Variants in RGS5 observed in about 807,000 individuals in gnomAD.
RGS5 encodes regulator of G protein signaling 5.
RGS5 carries 20 observed loss-of-function variants against 18.9 expected under a neutral mutation model. The ratio of observed to expected loss-of-function variants is 1.06; its 90% CI spans 0.74 to 1.54. The LOEUF (loss-of-function observed/expected upper bound fraction) is 1.54. RGS5 is among the 40% of genes most tolerant of loss of function. The pLI is 0.00. For synonymous variants in RGS5, 57 were observed against 76.2 expected, an observed-to-expected ratio of 0.75 and a Z score of 1.31; for missense variants, 201 against 211.8, an observed-to-expected ratio of 0.95 and a Z score of 0.32.
At chr1:163,150,691 C>A (rs1463021085) in intron 4 of RGS5, among the ~76,000 whole-genome samples, 1 of 152,046 alleles carries the variant, frequency 6.6e-6, no homozygotes, top group Non-Finnish European at 1.5e-5. Flanking sequence ...TTTCTAGCAC[C>A]TTTTCATTTT....
intron 2 of RGS5, among the ~76,000 whole-genome samples, chr1:163,295,273 G>A (rs1050044363): frequency 6.6e-6 from 1 of 152,092 alleles, no homozygotes; most frequent in Non-Finnish European, 1.5e-5. Context: ...ATTAGCAGTG[G>A]AGGTATTCAA....
chr1:163,173,800 G>C (rs1435012556), intron 1 of RGS5, among the ~76,000 whole-genome samples: 2 of 152,140 alleles, frequency 1.3e-5, no homozygotes, highest in Admixed American at 1.3e-4. Flanking sequence ...CGTAGGCCTG[G>C]CACAGTGGCT....
intron 1 of RGS5, among the ~76,000 whole-genome samples, chr1:163,189,706 A>G (rs7355070): frequency 0.46 from 69,464 of 151,950 alleles, 16,571 homozygotes; most frequent in East Asian, 0.72. Context: ...AGACCACTCA[A>G]TTGAGATAAA....
At chr1:163,152,117 T>C (rs1657397222) in intron 4 of RGS5, among the ~76,000 whole-genome samples, 1 of 152,174 alleles carries the variant, frequency 6.6e-6, no homozygotes, top group Non-Finnish European at 1.5e-5. Flanking sequence ...TGAAAAAGTT[T>C]CAGACTTTGA....
In RGS5 at chr1:163,146,000, T is replaced by C. The variant is rs1429100504; in HGVS notation, c.*1342A>G. The C allele has an allele frequency of 6.6e-6, 1 of 152,212 alleles. No individual in the cohort carries two copies. Among genetic ancestry groups the C allele is most frequent in the Non-Finnish European group, 1.5e-5 (1 of 68,034 alleles). The allele number at this position is 152,212 out of a possible 1,614,324, so 9.4% of individuals were successfully genotyped here. A position where few individuals can be genotyped will look rare whatever the true frequency, so the allele number is the denominator to read the frequency against. ...TCATACATGGCTTAGTTTGATTCTGTTACTAAATTCTGTGAATCATTATTT... is the reference window on the plus strand; with the variant it reads ...TCATACATGGCTTAGTTTGATTCTGCTACTAAATTCTGTGAATCATTATTT... On this transcript the variant is annotated 3_prime_UTR_variant, in exon 5 of 5. Transcript: ENST00000313961.
chr1:163,297,272 G>T (rs950181976), intron 2 of RGS5, among the ~76,000 whole-genome samples: 3 of 152,110 alleles, frequency 2.0e-5, no homozygotes, highest in Admixed American at 2.0e-4. Flanking sequence ...GCTGAAGAGG[G>T]CTTTGTGCAA....
chr1:163,155,455 T>C (rs1657542595), intron 3 of RGS5, among the ~76,000 whole-genome samples: 1 of 152,220 alleles, frequency 6.6e-6, no homozygotes, highest in Admixed American at 6.5e-5. Flanking sequence ...TAGCTTTATA[T>C]TGTATTCGTC....
chr1:163,210,702 C>T (rs1660084324), intron 1 of RGS5: 1 of 152,182 alleles, frequency 6.6e-6, no homozygotes, highest in African/African-American at 2.4e-5. Context: ...ACAATGAGCA[C>T]TCAACAAAGA....
At chr1:163,319,487 A>G (rs1314845482) in intron 1 of RGS5, among the ~76,000 whole-genome samples, 1 of 152,232 alleles carries the variant, frequency 6.6e-6, no homozygotes, top group Admixed American at 6.5e-5. Flanking sequence ...GTTACAGGAC[A>G]GGGAAATTAC....
rs1041322382 is a variant in RGS5, at chr1:163,145,956, A to G, written c.*1386T>C. The G allele has an allele frequency of 3.3e-5, 5 of 152,220 alleles. No individual in the cohort carries two copies. The highest frequency in any genetic ancestry group is 1.2e-4 in the African/African-American group (5 of 41,460). The allele number at this position is 152,220 out of a possible 1,614,324, so 9.4% of individuals were successfully genotyped here. A position where few individuals can be genotyped will look rare whatever the true frequency, so the allele number is the denominator to read the frequency against. ...ATCACCCTATTTCTTTTGAGTTAAT[A>G]TCCTCATCTCGATTACCCTCATACA... is the stretch of plus-strand genomic sequence containing the variant. On this transcript the variant is annotated 3_prime_UTR_variant, in exon 5 of 5. Transcript: ENST00000313961.
chr1:163,159,478 C>T lies in RGS5; in HGVS notation c.217+2437G>A, dbSNP rs377311554. ...CATGGCTTCAGTCGATCCCTCCATT[C>T]GGGGTCCCTGACTTCCCGCAACAGA... On this transcript the variant is annotated intron_variant, in intron 3 of 4. Coordinates refer to ENST00000313961, the MANE Select transcript of RGS5 (RefSeq NM_003617.4). 1.2e-3 allele frequency among the ~76,000 whole-genome samples: 176 copies of T among 152,288 alleles called. 2 individuals carry two copies. Among genetic ancestry groups the T allele is most frequent in the African/African-American group, 3.9e-3 (162 of 41,566 alleles).
At position 163,142,747 on chromosome 1, in the gene RGS5, T is replaced by C. The variant is rs755471602; in HGVS notation, c.*4595A>G. ...TGTATTAATTATTACATTATTGAAG[T>C]TGGACCCAAATATGTTAAATATTTC... On this transcript the variant is annotated 3_prime_UTR_variant, in exon 5 of 5. Transcript: ENST00000313961. 6.6e-6 allele frequency: 1 copy of C among 152,070 alleles called. No homozygotes were observed. Among genetic ancestry groups the C allele is most frequent in the Non-Finnish European group, 1.5e-5 (1 of 68,012 alleles). 9.4% of individuals were successfully genotyped at this position (152,070 alleles called of 1,614,324 possible). A position where few individuals can be genotyped will look rare whatever the true frequency, so the allele number is the denominator to read the frequency against.
intron 2 of RGS5, among the ~76,000 whole-genome samples, chr1:163,253,346 T>A (rs959111032): frequency 6.6e-6 from 1 of 152,148 alleles, no homozygotes; most frequent in East Asian, 1.9e-4. Context: ...TCTCACTCTG[T>A]TGCCCAGGCT....
At chr1:163,219,787 T>C (rs1660295613), upstream of RGS5, among the ~76,000 whole-genome samples, 1 of 152,218 alleles carries the variant, frequency 6.6e-6, no homozygotes, top group Non-Finnish European at 1.5e-5. Context: ...ATCATTACTG[T>C]AATTTTGTAA....
chr1:163,213,611 G>C (rs930783537), intron 1 of RGS5, among the ~76,000 whole-genome samples: 4 of 152,192 alleles, frequency 2.6e-5, no homozygotes, highest in African/African-American at 9.7e-5. Context: ...CTACATCCAG[G>C]CTTCTGGATA....
In RGS5 at chr1:163,144,854, T is replaced by C. The variant is rs1380007973; in HGVS notation, c.*2488A>G. The C allele has an allele frequency of 6.6e-6, 1 of 152,588 alleles. No individual in the cohort carries two copies. The highest frequency in any genetic ancestry group is 1.5e-5 in the Non-Finnish European group (1 of 68,018). The allele number at this position is 152,588 out of a possible 1,614,324, so 9.5% of individuals were successfully genotyped here. A position where few individuals can be genotyped will look rare whatever the true frequency, so the allele number is the denominator to read the frequency against. On this transcript the variant is annotated 3_prime_UTR_variant, in exon 5 of 5. Coordinates refer to ENST00000313961, the MANE Select transcript of RGS5 (RefSeq NM_003617.4). ...AATTTTCTTGAACAATTTTAATATG[T>C]TTGATTTCTCATTTGGGGCTGGAAT...
chr1:163,286,009 C>G (rs1452650628), intron 2 of RGS5, among the ~76,000 whole-genome samples: 1 of 151,636 alleles, frequency 6.6e-6, no homozygotes, highest in African/African-American at 2.4e-5. Flanking sequence ...CACACACACA[C>G]ACACACACAT....
chr1:163,296,890 C>T (rs1418374498), intron 2 of RGS5, among the ~76,000 whole-genome samples: 1 of 152,026 alleles, frequency 6.6e-6, no homozygotes, highest in Non-Finnish European at 1.5e-5. Context: ...AGGATTGGCC[C>T]TAAAAAGTTA....
At chr1:163,311,039 T>A (rs1294189357) in intron 1 of RGS5, among the ~76,000 whole-genome samples, 3 of 152,114 alleles carry the variant, frequency 2.0e-5, no homozygotes, top group Non-Finnish European at 2.9e-5. Context: ...TCACCTGATC[T>A]CTCCCTTGAT....
Sources: allele counts gnomAD v4.1 joint callset (sites outside exome capture counted in the v4.1 genomes callset), GRCh38; gene constraint gnomAD v4.1.1; transcripts MANE v1.5; gene names NCBI Gene and HGNC (gene_info 2026-07-23, HGNC 2026-07-21).